STARD13: variants seen among roughly 807,000 people sequenced by gnomAD.
STARD13 encodes the protein stAR-related lipid transfer protein 13.
In STARD13, 62 loss-of-function variants were observed where a neutral mutation model predicts 106.4. The observed-to-expected ratio is 0.58, with a 90% CI of 0.48 to 0.72. STARD13 has a LOEUF of 0.72. Among genes scored for constraint, STARD13 ranks in the 30% least tolerant of loss-of-function variants. The pLI, the probability that STARD13 is intolerant of heterozygous loss-of-function variation, is 0.00. For synonymous variants in STARD13, 565 were observed against 553.0 expected, an observed-to-expected ratio of 1.02 and a Z score of -0.31; for missense variants, 1,387 against 1,424.0, an observed-to-expected ratio of 0.97 and a Z score of 0.42.
At chr13:33,427,115 TTTA>T in the STARD13 span, among the ~76,000 whole-genome samples, 1 of 152,228 alleles carries the variant, frequency 6.6e-6, no homozygotes. Context: ...AAAGTTTCCA[TTTA>T]TTATTATCTC....
chr13:33,137,694 A>G (rs1377512976), intron 4 of STARD13, among the ~76,000 whole-genome samples: 2 of 152,246 alleles, frequency 1.3e-5, no homozygotes, highest in Non-Finnish European at 2.9e-5. Context: ...ATGCACTAAG[A>G]AGCAAATCCT....
chr13:33,117,991 C>G, intron 8 of STARD13, 74 bp downstream of exon 8: 1 of 1,594,744 alleles, frequency 6.3e-7, no homozygotes, highest in Non-Finnish European at 8.6e-7. Flanking sequence ...AATTAAAACT[C>G]AATCTATAGG....
At chr13:33,177,803 A>G (rs201282203) in intron 1 of STARD13, among the ~76,000 whole-genome samples, 3,806 of 11,574 alleles carry the variant, frequency 0.33, 295 homozygotes, top group East Asian at 0.37. Flanking sequence ...AAGGAAGGAA[A>G]GGAAGGAAGG....
the STARD13 span, among the ~76,000 whole-genome samples, chr13:33,559,685 A>G: frequency 1.7e-4 from 26 of 151,538 alleles, 1 homozygote; most frequent in African/African-American, 5.9e-4. Flanking sequence ...GTGAAACCCC[A>G]TCTCTACTAA....
intron 1 of STARD13, among the ~76,000 whole-genome samples, chr13:33,174,687 T>C (rs2138411859): frequency 6.6e-6 from 1 of 152,336 alleles, no homozygotes; most frequent in Non-Finnish European, 1.5e-5. Context: ...TTTGTTCAAG[T>C]GGCATAATCT....
chr13:33,429,407 T>G, the STARD13 span, among the ~76,000 whole-genome samples: 8,671 of 151,982 alleles, frequency 0.057, 321 homozygotes, highest in East Asian at 0.15. Context: ...CCATCCTGGC[T>G]AATACGGTGA....
At chr13:33,637,803 C>T in the STARD13 span, among the ~76,000 whole-genome samples, 27 of 152,086 alleles carry the variant, frequency 1.8e-4, no homozygotes, top group East Asian at 4.6e-3. Flanking sequence ...TAATGCTAAC[C>T]CAGATAATTT....
intron 1 of STARD13, among the ~76,000 whole-genome samples, chr13:33,178,697 T>C (rs1409882777): frequency 1.3e-5 from 2 of 152,252 alleles, no homozygotes; most frequent in Non-Finnish European, 2.9e-5. Flanking sequence ...GGAGATTTTA[T>C]GTAACAGCTG....
chr13:33,490,408 A>C, the STARD13 span, among the ~76,000 whole-genome samples: 3 of 152,134 alleles, frequency 2.0e-5, no homozygotes, highest in Admixed American at 2.0e-4. Flanking sequence ...CTGCACCCAC[A>C]TAAACCCCAA....
At chr13:33,121,668 C>CTTTT (rs1566541082) in intron 7 of STARD13, among the ~76,000 whole-genome samples, 18 of 95,630 alleles carry the variant, frequency 1.9e-4, no homozygotes, top group Non-Finnish European at 1.5e-4. Flanking sequence ...TGTTGTTCAT[C>CTTTT]CTTTTTTTTT....
At chr13:33,328,049 A>T (rs1594268280) in intron 1 of STARD13, among the ~76,000 whole-genome samples, 1 of 152,258 alleles carries the variant, frequency 6.6e-6, no homozygotes, top group Non-Finnish European at 1.5e-5. Context: ...TGGCTTAATC[A>T]TACCTAAAAC....
intron 1 of STARD13, among the ~76,000 whole-genome samples, chr13:33,315,094 C>A (rs1196156960): frequency 6.6e-6 from 1 of 152,108 alleles, no homozygotes; most frequent in East Asian, 1.9e-4. Flanking sequence ...AAACACTTTG[C>A]AAAATACTTT....
chr13:33,515,395 G>A, the STARD13 span, among the ~76,000 whole-genome samples: 1 of 152,114 alleles, frequency 6.6e-6, no homozygotes, highest in East Asian at 1.9e-4. Context: ...TCTCACATAA[G>A]CAATTGTCTC....
chr13:33,379,141 T>G, the STARD13 span, among the ~76,000 whole-genome samples: 91 of 152,292 alleles, frequency 6.0e-4, 2 homozygotes, highest in East Asian at 0.017. Flanking sequence ...TGATCTGACA[T>G]GTAGTGTACT....
chr13:33,621,864 G>T, the STARD13 span, among the ~76,000 whole-genome samples: 1 of 151,100 alleles, frequency 6.6e-6, no homozygotes, highest in Non-Finnish European at 1.5e-5. Context: ...GAGTGCAGGG[G>T]CATGATCATG....
At chr13:33,506,123 T>C in the STARD13 span, among the ~76,000 whole-genome samples, 1 of 152,152 alleles carries the variant, frequency 6.6e-6, no homozygotes, top group Non-Finnish European at 1.5e-5. Context: ...AGGTTATTGA[T>C]GAAGCAGTAA....
At chr13:33,231,974 T>G (rs1888948195) in intron 1 of STARD13, among the ~76,000 whole-genome samples, 1 of 152,182 alleles carries the variant, frequency 6.6e-6, no homozygotes, top group Non-Finnish European at 1.5e-5. Flanking sequence ...CGCATATATT[T>G]TAAATCATCT....
At chr13:33,375,371 T>A in the STARD13 span, among the ~76,000 whole-genome samples, 10 of 152,294 alleles carry the variant, frequency 6.6e-5, no homozygotes, top group East Asian at 1.9e-3. Context: ...AAAATGCTAA[T>A]GATTAGGGTA....
At chr13:33,459,227 C>T in the STARD13 span, among the ~76,000 whole-genome samples, 1 of 152,100 alleles carries the variant, frequency 6.6e-6, no homozygotes, top group African/African-American at 2.4e-5. Flanking sequence ...TTCCTCATGC[C>T]CCTTTTCCAC....
Sources: allele counts gnomAD v4.1 joint callset (sites outside exome capture counted in the v4.1 genomes callset), GRCh38; gene constraint gnomAD v4.1.1; transcripts MANE v1.5; gene names NCBI Gene and HGNC (gene_info 2026-07-23, HGNC 2026-07-21).